The following FBXO36 variants were observed in gnomAD, a reference collection of about 807,000 sequenced individuals.
FBXO36 encodes F-box only protein 36.
A neutral mutation model predicts 17.0 loss-of-function variants in FBXO36; 18 were observed. That is an observed-to-expected ratio of 1.06 (90% confidence interval 0.73 to 1.57). The LOEUF (loss-of-function observed/expected upper bound fraction) is 1.57, where lower values mean the gene tolerates loss of function less well. Ranked by LOEUF, FBXO36 falls within the 40% of genes most tolerant of loss-of-function variation. FBXO36 has a pLI of 0.00. For missense variants in FBXO36, 229 were observed against 221.9 expected, an observed-to-expected ratio of 1.03 and a Z score of -0.20; for synonymous variants, 83 against 85.3, an observed-to-expected ratio of 0.97 and a Z score of 0.15.
chr2:229,931,788 A>G (rs1257845278), intron 1 of FBXO36, among the ~76,000 whole-genome samples: 1 of 152,198 alleles, frequency 6.6e-6, no homozygotes, highest in African/African-American at 2.4e-5. Flanking sequence ...GCAGTGAGCC[A>G]AGATCGTGCC....
intron 1 of FBXO36, among the ~76,000 whole-genome samples, chr2:229,949,611 TGTC>T (rs2077046259): frequency 6.6e-6 from 1 of 152,062 alleles, no homozygotes; most frequent in Admixed American, 6.6e-5. Context: ...ACTTGGTAGA[TGTC>T]TATAAGTATA....
Position 229,996,765 on chromosome 2 carries a change from A to G in FBXO36, c.220A>G (p.Ile74Val), listed in dbSNP as rs1437808839. The G allele has an allele frequency of 6.2e-7, 1 of 1,610,036 alleles. No individual in the cohort carries two copies. Among genetic ancestry groups the G allele is most frequent in the Non-Finnish European group, 8.5e-7 (1 of 1,179,150 alleles). ...NSHLQGQTAL[I>V]FGARILDYVI... ...TTGAATTACAGGTCAAACTGCCTTA[A>G]TATTTGGTGCAAGAATATTAGACTA... The change falls in exon 3 of 4, where the codon ATA becomes GTA. Residue 74 changes from isoleucine to valine, a missense_variant. Transcript: ENST00000283946.
At chr2:230,004,673 T>C (rs2077377621) in intron 3 of FBXO36, among the ~76,000 whole-genome samples, 1 of 150,902 alleles carries the variant, frequency 6.6e-6, no homozygotes, top group Admixed American at 6.6e-5. Context: ...TCTCCATCTG[T>C]TTTTTTTTCT....
At position 229,961,352 on chromosome 2, in the gene FBXO36, T is replaced by C. The variant is rs1021869787; in HGVS notation, c.97-14889T>C. On this transcript the variant is annotated intron_variant, in intron 1 of 3. Coordinates refer to ENST00000283946, the MANE Select transcript of FBXO36 (RefSeq NM_174899.5). ...ACAATTTTTTTTCCCAAGATTTTCT[T>C]GGCAATTTTCACACACTATTTTATT... 3.3e-5 allele frequency among the ~76,000 whole-genome samples: 5 copies of C among 152,244 alleles called. No homozygotes were observed. The East Asian group carries it at 9.7e-4, about 29-fold the overall frequency.
intron 2 of FBXO36, among the ~76,000 whole-genome samples, chr2:229,980,903 C>T (rs949002741): frequency 5.9e-5 from 9 of 152,062 alleles, no homozygotes; most frequent in Non-Finnish European, 1.2e-4. Context: ...TAAATCAGCC[C>T]GGCAAGTTCA....
At chr2:229,961,851 G>A (rs2077123167) in intron 1 of FBXO36, among the ~76,000 whole-genome samples, 1 of 152,114 alleles carries the variant, frequency 6.6e-6, no homozygotes, top group South Asian at 2.1e-4. Flanking sequence ...TTCAGGTATT[G>A]GCTTTAGGGC....
intron 2 of FBXO36, among the ~76,000 whole-genome samples, chr2:229,979,288 A>G (rs908004211): frequency 6.6e-6 from 1 of 151,948 alleles, no homozygotes; most frequent in African/African-American, 2.4e-5. Context: ...TCTTGAGCCC[A>G]GGAGTTTAAG....
intron 1 of FBXO36, among the ~76,000 whole-genome samples, chr2:229,957,532 G>A (rs377580524): frequency 7.9e-5 from 12 of 152,112 alleles, no homozygotes; most frequent in East Asian, 7.7e-4. Flanking sequence ...AGCCGAGATC[G>A]CACCATTGCA....
At chr2:229,985,056 G>C (rs562646747) in intron 2 of FBXO36, among the ~76,000 whole-genome samples, 3 of 152,170 alleles carry the variant, frequency 2.0e-5, no homozygotes, top group African/African-American at 7.2e-5. Flanking sequence ...TGGTCTTTCT[G>C]TGAACTGGCT....
At chr2:229,989,504 G>A (rs918502925) in intron 2 of FBXO36, among the ~76,000 whole-genome samples, 2 of 151,928 alleles carry the variant, frequency 1.3e-5, no homozygotes, top group South Asian at 2.1e-4. Context: ...TGATCTGCCC[G>A]CCTCAGCCTC....
At chr2:229,944,612 A>G (rs1179279343) in intron 1 of FBXO36, among the ~76,000 whole-genome samples, 1 of 69,794 alleles carries the variant, frequency 1.4e-5, no homozygotes, top group South Asian at 4.4e-4. Flanking sequence ...TTTTTTTTTG[A>G]GACGGAGTCA....
chr2:229,930,960 C>T (rs1030025380), intron 1 of FBXO36, among the ~76,000 whole-genome samples: 3 of 152,156 alleles, frequency 2.0e-5, no homozygotes, highest in Non-Finnish European at 2.9e-5. Flanking sequence ...TAATAATAAA[C>T]TGCATTATTC....
At chr2:229,928,609 T>C (rs1480103583) in intron 1 of FBXO36, among the ~76,000 whole-genome samples, 1 of 152,088 alleles carries the variant, frequency 6.6e-6, no homozygotes, top group East Asian at 1.9e-4. Flanking sequence ...GGCTGAATAT[T>C]GAATATTGAA....
At chr2:229,981,535 G>A (rs999317102) in intron 2 of FBXO36, among the ~76,000 whole-genome samples, 15 of 151,684 alleles carry the variant, frequency 9.9e-5, no homozygotes, top group African/African-American at 3.6e-4. Flanking sequence ...GCAAAACCCT[G>A]TTTCTACAAA....
At chr2:229,933,105 T>A (rs1215573191) in intron 1 of FBXO36, among the ~76,000 whole-genome samples, 1 of 152,156 alleles carries the variant, frequency 6.6e-6, no homozygotes, top group East Asian at 1.9e-4. Context: ...CATCGAAGAT[T>A]GTATATTAGA....
intron 2 of FBXO36, among the ~76,000 whole-genome samples, chr2:229,995,564 T>TTCTTTCTTTCTTTC (rs1247775764): frequency 1.0e-4 from 9 of 86,228 alleles, no homozygotes; most frequent in Non-Finnish European, 2.4e-4. Flanking sequence ...TTTCCTTCCT[T>TTCTTTCTTTCTTTC]TCTTTCTTTC....
chr2:229,925,656 C>T (rs1362344216), intron 1 of FBXO36, among the ~76,000 whole-genome samples: 3 of 151,864 alleles, frequency 2.0e-5, no homozygotes, highest in South Asian at 2.1e-4. Flanking sequence ...GCATCTTTTT[C>T]GTTGGCCTTA....
At chr2:229,980,122 A>G (rs1208589961) in intron 2 of FBXO36, among the ~76,000 whole-genome samples, 3 of 151,994 alleles carry the variant, frequency 2.0e-5, no homozygotes, top group Non-Finnish European at 4.4e-5. Flanking sequence ...ATCTCAGCTC[A>G]CTGCAACCTC....
chr2:229,967,976 G>A (rs1025891440), intron 1 of FBXO36, among the ~76,000 whole-genome samples: 38 of 152,120 alleles, frequency 2.5e-4, no homozygotes, highest in Non-Finnish European at 4.3e-4. Flanking sequence ...TTGTACCTCT[G>A]GTAGAATTCG....
Sources: allele counts gnomAD v4.1 joint callset (sites outside exome capture counted in the v4.1 genomes callset), GRCh38; gene constraint gnomAD v4.1.1; transcripts MANE v1.5; gene names NCBI Gene and HGNC (gene_info 2026-07-23, HGNC 2026-07-21).